The following MGME1 variants were observed in gnomAD, a reference collection of about 807,000 sequenced individuals.
MGME1 encodes mitochondrial genome maintenance exonuclease 1.
MGME1 carries 22 observed loss-of-function variants against 33.0 expected under a neutral mutation model. The ratio of observed to expected loss-of-function variants is 0.67; its 90% CI spans 0.48 to 0.95. The LOEUF is 0.95. Among genes scored for constraint, MGME1 ranks in the 40% least tolerant of loss-of-function variants. The probability of loss-of-function intolerance (pLI) is 0.00; values close to 1 mark genes in which losing one functional copy is unlikely to be tolerated. For missense variants in MGME1, 383 were observed against 397.8 expected, an observed-to-expected ratio of 0.96 and a Z score of 0.32; for synonymous variants, 133 against 144.0, an observed-to-expected ratio of 0.92 and a Z score of 0.55.
intron 3 of MGME1, among the ~76,000 whole-genome samples, chr20:17,980,841 A>T (rs1231789127): frequency 6.6e-6 from 1 of 152,082 alleles, no homozygotes; most frequent in Non-Finnish European, 1.5e-5. Flanking sequence ...ATTAGTTTAT[A>T]TAGATCTGTA....
intron 3 of MGME1, among the ~76,000 whole-genome samples, chr20:17,982,653 AAC>A (rs1448434476): frequency 6.6e-6 from 1 of 152,216 alleles, no homozygotes; most frequent in Non-Finnish European, 1.5e-5. Flanking sequence ...TAATTTTGAT[AAC>A]ATTGTATTTT....
At chr20:17,985,583 T>G (rs546215150) in intron 3 of MGME1, among the ~76,000 whole-genome samples, 1 of 152,340 alleles carries the variant, frequency 6.6e-6, no homozygotes, top group East Asian at 1.9e-4. Flanking sequence ...GGCCCTCACA[T>G]TCACTCACCG....
intron 3 of MGME1, among the ~76,000 whole-genome samples, chr20:17,980,040 T>C (rs1481104957): frequency 6.6e-6 from 1 of 152,090 alleles, no homozygotes; most frequent in African/African-American, 2.4e-5. Context: ...CGATTTTGTT[T>C]TTGAGAAGGA....
intron 2 of MGME1, 125 bp from the exon 3 acceptor site, chr20:17,975,559 A>T: frequency 1.3e-6 from 1 of 773,444 alleles, no homozygotes. Flanking sequence ...CCATCCAAAA[A>T]AAAAAAAAAG....
intron 4 of MGME1, among the ~76,000 whole-genome samples, chr20:17,989,002 T>C (rs2036224210): frequency 6.6e-6 from 1 of 152,114 alleles, no homozygotes; most frequent in South Asian, 2.1e-4. Flanking sequence ...GGTGGGAGGA[T>C]TGCTTGAGCC....
chr20:17,978,273 T>C (rs1046462354), intron 3 of MGME1, among the ~76,000 whole-genome samples: 2 of 152,224 alleles, frequency 1.3e-5, no homozygotes, highest in Non-Finnish European at 2.9e-5. Flanking sequence ...GGCGTGATCT[T>C]GGCTCACTGT....
intron 2 of MGME1, among the ~76,000 whole-genome samples, chr20:17,971,177 T>C (rs975198549): frequency 2.6e-5 from 4 of 152,238 alleles, no homozygotes; most frequent in Non-Finnish European, 4.4e-5. Flanking sequence ...ATTTAAGTCG[T>C]CTTTTCCCTA....
At chr20:17,983,267 T>TTTTGTG (rs79417227) in intron 3 of MGME1, among the ~76,000 whole-genome samples, 6 of 142,688 alleles carry the variant, frequency 4.2e-5, no homozygotes, top group African/African-American at 1.0e-4. Context: ...TAGTGTTCTA[T>TTTTGTG]TGTGTGTGTG....
intron 3 of MGME1, among the ~76,000 whole-genome samples, chr20:17,987,420 C>T (rs531282055): frequency 6.6e-6 from 1 of 151,688 alleles, no homozygotes; most frequent in African/African-American, 2.4e-5. Context: ...TGACTTTGTA[C>T]AAAAAAGAAT....
At chr20:17,968,772 C>G, upstream of MGME1, 1 of 329,788 alleles carries the variant, frequency 3.0e-6, no homozygotes, top group Non-Finnish European at 5.6e-6. Context: ...GACACTCTCC[C>G]AGCAAGACGC....
chr20:17,975,570 A>C, intron 2 of MGME1, 114 bp from the exon 3 acceptor site: 1 of 805,876 alleles, frequency 1.2e-6, no homozygotes, highest in East Asian at 2.7e-5. Flanking sequence ...AAAAAAAAAG[A>C]AAAAAAAATG....
chr20:17,982,481 C>T (rs1012481611), intron 3 of MGME1, among the ~76,000 whole-genome samples: 1 of 152,184 alleles, frequency 6.6e-6, no homozygotes, highest in Non-Finnish European at 1.5e-5. Flanking sequence ...GAAGTAGACC[C>T]GGACATGACT....
At chr20:17,985,597 A>G (rs1417335364) in intron 3 of MGME1, among the ~76,000 whole-genome samples, 1 of 152,176 alleles carries the variant, frequency 6.6e-6, no homozygotes, top group Non-Finnish European at 1.5e-5. Flanking sequence ...CTCACCGCTC[A>G]CTCACTCAAT....
At chr20:17,981,926 T>C (rs2036033315) in intron 3 of MGME1, among the ~76,000 whole-genome samples, 1 of 152,072 alleles carries the variant, frequency 6.6e-6, no homozygotes, top group Admixed American at 6.6e-5. Context: ...GTGCTGGGAT[T>C]ACAGACTTGA....
intron 2 of MGME1, among the ~76,000 whole-genome samples, chr20:17,973,128 T>C (rs949886591): frequency 1.3e-5 from 2 of 152,094 alleles, no homozygotes; most frequent in African/African-American, 4.8e-5. Context: ...GCGGATCACT[T>C]GAGGTCAGGA....
intron 3 of MGME1, among the ~76,000 whole-genome samples, chr20:17,978,840 A>G (rs573674152): frequency 1.3e-5 from 2 of 151,978 alleles, no homozygotes; most frequent in East Asian, 1.9e-4. Context: ...TGGTGGCCCA[A>G]TCTCAGTTCA....
chr20:17,990,303 G>A lies in MGME1; in HGVS notation c.*194G>A. On this transcript the variant is annotated 3_prime_UTR_variant, in exon 5 of 5. Coordinates refer to ENST00000377710, the MANE Select transcript of MGME1 (RefSeq NM_052865.4). ...CCCAAAGTCTAGATATAAAGACCTA[G>A]ACTTCGGCACGCGAAATCCCAGCTA... The A allele has an allele frequency of 3.3e-6, 2 of 601,698 alleles. No individual in the cohort carries two copies. Among genetic ancestry groups the A allele is most frequent in the South Asian group, 4.1e-5 (2 of 48,630 alleles). 37.3% of individuals were successfully genotyped at this position (601,698 alleles called of 1,614,324 possible).
At chr20:17,984,104 G>A (rs934773971) in intron 3 of MGME1, among the ~76,000 whole-genome samples, 3 of 151,950 alleles carry the variant, frequency 2.0e-5, no homozygotes, top group African/African-American at 4.8e-5. Context: ...TATGAGATAG[G>A]GTACAATTTC....
In MGME1 at chr20:17,990,005, G is replaced by T. The variant is rs369055985; in HGVS notation, c.931G>T (p.Ala311Ser). ...ACCTGCCCACCCACATTTCATGGAT[G>T]CAGAGCTCTGTTCCCAGTACTGGAC... ...GSPAHPHFMD[A>S]ELCSQYWTKW... The change falls in exon 5 of 5, where the codon GCA (alanine) becomes TCA (serine). Residue 311 changes from alanine (A) to serine (S), a missense_variant. Transcript: ENST00000377710. 22 of 1,614,024 alleles carry T rather than the reference G, an allele frequency of 1.4e-5. No individual in the cohort carries two copies. Among genetic ancestry groups the T allele is most frequent in the Non-Finnish European group, 1.8e-5 (21 of 1,180,000 alleles).
Sources: gnomAD v4.1 joint callset for allele counts (sites outside exome capture counted in the v4.1 genomes callset) on GRCh38, gnomAD v4.1.1 for gene constraint, MANE v1.5 for transcripts, NCBI Gene and HGNC (gene_info 2026-07-23, HGNC 2026-07-21) for gene names.